Variants in OTUD7B observed in about 807,000 individuals in gnomAD.
OTUD7B encodes the protein OTU domain-containing protein 7B.
OTUD7B carries 34 observed loss-of-function variants against 82.2 expected under a neutral mutation model. The ratio of observed to expected loss-of-function variants is 0.41; its 90% CI spans 0.31 to 0.55. The LOEUF (loss-of-function observed/expected upper bound fraction) is 0.55. OTUD7B is among the 20% of genes least tolerant of loss of function. The pLI, the probability that OTUD7B is intolerant of heterozygous loss-of-function variation, is 0.20. For missense variants in OTUD7B, 944 were observed against 1,062.1 expected (o/e 0.89, Z 1.55); for synonymous variants, 398 against 402.7 (o/e 0.99, Z 0.14).
At chr1:150,050,711 C>T in the OTUD7B span, among the ~76,000 whole-genome samples, 1 of 152,144 alleles carries the variant, frequency 6.6e-6, no homozygotes, top group South Asian at 2.1e-4. Context: ...ATGCATTTTC[C>T]CTCATTCACA....
At chr1:150,051,074 CA>C in the OTUD7B span, among the ~76,000 whole-genome samples, 8 of 151,324 alleles carry the variant, frequency 5.3e-5, no homozygotes, top group Non-Finnish European at 1.2e-4. Context: ...ACTAAAAATA[CA>C]AAAATTAGCC....
In OTUD7B at chr1:149,941,204, T is replaced by C. The variant is rs945964535; in HGVS notation, c.*2653A>G. On this transcript the variant is annotated 3_prime_UTR_variant, in exon 12 of 12. Transcript: ENST00000581312. ...GGTTTTTTGTTCATTTGTCCTTAGT[T>C]TTTAAAAACAAAAGTGTTAACTAGA... The C allele has an allele frequency of 2.6e-5, 4 of 152,268 alleles. No individual in the cohort carries two copies. Among genetic ancestry groups the C allele is most frequent in the Non-Finnish European group, 5.9e-5 (4 of 68,034 alleles). 9.4% of individuals were successfully genotyped at this position (152,268 alleles called of 1,614,324 possible).
At chr1:150,003,146 A>G (rs1247795505) in intron 1 of OTUD7B, among the ~76,000 whole-genome samples, 2 of 150,054 alleles carry the variant, frequency 1.3e-5, no homozygotes, top group African/African-American at 4.9e-5. Flanking sequence ...GCAACTCGGG[A>G]GGCTGAGGCA....
intron 3 of OTUD7B, among the ~76,000 whole-genome samples, chr1:149,968,121 G>A (rs58777569): frequency 0.019 from 2,924 of 151,838 alleles, 83 homozygotes; most frequent in African/African-American, 0.064. Context: ...AAAATTAGCC[G>A]GGCATGGTGG....
chr1:150,054,501 ATACT>A, the OTUD7B span: 15 of 489,494 alleles, frequency 3.1e-5, no homozygotes, highest in Non-Finnish European at 4.0e-5. Context: ...CATCTTACTG[ATACT>A]TACTTCAAGA....
chr1:149,948,047 T>G (rs1647887758), intron 10 of OTUD7B, among the ~76,000 whole-genome samples: 1 of 152,230 alleles, frequency 6.6e-6, no homozygotes, highest in African/African-American at 2.4e-5. Flanking sequence ...TGGTACCATC[T>G]CAGCTCACTG....
At chr1:149,994,409 C>T (rs781913582) in intron 1 of OTUD7B, among the ~76,000 whole-genome samples, 1 of 151,750 alleles carries the variant, frequency 6.6e-6, no homozygotes, top group East Asian at 1.9e-4. Flanking sequence ...GTTGAAACCC[C>T]GTCTCTACTA....
At chr1:149,949,907 A>G (rs1648055071) in intron 8 of OTUD7B, 129 bp from the exon 9 acceptor site, 1 of 1,290,912 alleles carries the variant, frequency 7.7e-7, no homozygotes, top group East Asian at 2.5e-5. Context: ...TTTCCTAAGA[A>G]GCCCTGTCAA....
intron 7 of OTUD7B, among the ~76,000 whole-genome samples, chr1:149,957,813 G>A (rs587722843): frequency 2.1e-4 from 32 of 152,298 alleles, no homozygotes; most frequent in African/African-American, 7.5e-4. Context: ...GCAAGCCTCC[G>A]CAGGCATGGG....
chr1:150,020,501 C>T, the OTUD7B span, among the ~76,000 whole-genome samples: 2 of 152,086 alleles, frequency 1.3e-5, no homozygotes, highest in African/African-American at 4.8e-5. Flanking sequence ...CATGCCACTG[C>T]ACTCCAGCCT....
At chr1:149,945,165 C>T in intron 11 of OTUD7B, 100 bp from the exon 12 acceptor site, 1 of 1,463,274 alleles carries the variant, frequency 6.8e-7, no homozygotes, top group Non-Finnish European at 9.0e-7. Context: ...AGGGAGCTCC[C>T]TGCAGCCATG....
In OTUD7B at chr1:149,947,331, T is replaced by C. The variant is rs1553772384; in HGVS notation, c.1243A>G (p.Ile415Val). ...DSDNVRLASV[I>V]LSLEVKLHLL... Reference sequence around the variant, plus strand: ...TGCAATTTGACCTCTAGGGACAGAATTACACTATGAAAAAGAGAAAAAACA... The same window carrying C: ...TGCAATTTGACCTCTAGGGACAGAACTACACTATGAAAAAGAGAAAAAACA... Residue 415 changes from isoleucine to valine, a missense_variant, in exon 11 of 12, where the codon ATT becomes GTT. By Grantham distance (29) the Ile-to-Val change is conservative. This residue lies in a region of OTUD7B where 530 missense variants were observed against 625.6 expected (regional missense o/e 0.85). Coordinates refer to ENST00000581312, the MANE Select transcript of OTUD7B (RefSeq NM_020205.4). The C allele has an allele frequency of 1.3e-6, 2 of 1,591,898 alleles. No homozygotes were observed. The highest frequency in any genetic ancestry group is 1.7e-5 in the Admixed American group (1 of 59,866).
chr1:149,948,376 C>CT (rs1170239992), intron 10 of OTUD7B, among the ~76,000 whole-genome samples: 141,106 of 142,402 alleles, frequency 0.99, 69,906 homozygotes, highest in East Asian at 1. Flanking sequence ...TTCTTTCTTT[C>CT]TTTTTTTTTT....
chr1:149,995,114 A>G (rs1319161893), intron 1 of OTUD7B, among the ~76,000 whole-genome samples: 1 of 152,250 alleles, frequency 6.6e-6, no homozygotes, highest in Non-Finnish European at 1.5e-5. Flanking sequence ...TTAGCATTCA[A>G]GGACCTTTTG....
upstream of OTUD7B, among the ~76,000 whole-genome samples, chr1:150,014,764 G>A (rs1450183176): frequency 6.6e-6 from 1 of 152,154 alleles, no homozygotes; most frequent in East Asian, 1.9e-4. Context: ...AATCAGAACT[G>A]TGGTTACCTA....
the OTUD7B span, among the ~76,000 whole-genome samples, chr1:150,035,871 T>C: frequency 6.6e-6 from 1 of 151,932 alleles, no homozygotes; most frequent in South Asian, 2.1e-4. Flanking sequence ...GCCTCTCCCA[T>C]AAAATATCTT....
chr1:150,050,790 T>C, the OTUD7B span, among the ~76,000 whole-genome samples: 1 of 152,094 alleles, frequency 6.6e-6, no homozygotes, highest in Non-Finnish European at 1.5e-5. Flanking sequence ...GGGCGCCCTC[T>C]GTCTGAGTGC....
chr1:149,945,920 C>T (rs181277311), intron 11 of OTUD7B, among the ~76,000 whole-genome samples: 1 of 151,676 alleles, frequency 6.6e-6, no homozygotes, highest in East Asian at 1.9e-4. Context: ...ATTAGCCGGA[C>T]GTGGTGGTGC....
intron 1 of OTUD7B, among the ~76,000 whole-genome samples, chr1:149,995,832 T>G (rs1651889276): frequency 6.6e-6 from 1 of 152,078 alleles, no homozygotes; most frequent in Non-Finnish European, 1.5e-5. Context: ...CTAAAACAAG[T>G]CCTCTCTTAG....
Sources: gnomAD v4.1 joint callset for allele counts (sites outside exome capture counted in the v4.1 genomes callset) on GRCh38, gnomAD v4.1.1 for gene constraint, gnomAD v4.1.1 regional missense constraint, MANE v1.5 for transcripts, NCBI Gene and HGNC (gene_info 2026-07-23, HGNC 2026-07-21) for gene names.